EFCAB7: variants seen among roughly 807,000 people sequenced by gnomAD.
EFCAB7 encodes EF-hand calcium binding domain 7, also known as EF-hand calcium-binding domain-containing protein 7.
In EFCAB7, 66 loss-of-function variants were observed where a neutral mutation model predicts 77.1. The observed-to-expected ratio is 0.86, with a 90% confidence interval of 0.70 to 1.05. EFCAB7 has a LOEUF of 1.05. Ranked by LOEUF, EFCAB7 falls within the 50% of genes least tolerant of loss-of-function variation. The pLI, the probability that EFCAB7 is intolerant of heterozygous loss-of-function variation, is 0.00. For missense variants in EFCAB7, 638 were observed against 730.5 expected (o/e 0.87, Z 1.46); for synonymous variants, 225 against 243.3 (o/e 0.92, Z 0.70).
At chr1:63,551,679 G>A in intron 7 of EFCAB7, 46 bp from the exon 8 acceptor site, 2 of 881,846 alleles carry the variant, frequency 2.3e-6, no homozygotes, top group African/African-American at 3.5e-5. Flanking sequence ...AGAATAGATA[G>A]TGATTGCTTA....
chr1:63,564,087 T>C (rs138015368), intron 11 of EFCAB7, among the ~76,000 whole-genome samples: 1,785 of 152,264 alleles, frequency 0.012, 38 homozygotes, highest in African/African-American at 0.04. Flanking sequence ...ATTTCCCTTT[T>C]GTATATGTTA....
At chr1:63,534,343 ATTTC>A in intron 6 of EFCAB7, 127 bp downstream of exon 6, 1 of 727,344 alleles carries the variant, frequency 1.4e-6, no homozygotes, top group Admixed American at 3.1e-5. Flanking sequence ...TTTCTGTGTA[ATTTC>A]TACCTGTAAG....
At chr1:63,562,194 A>T (rs996562735) in intron 11 of EFCAB7, among the ~76,000 whole-genome samples, 5 of 151,904 alleles carry the variant, frequency 3.3e-5, no homozygotes, top group African/African-American at 1.2e-4. Flanking sequence ...TTGTCTTAAC[A>T]GTTTAAAGGC....
At chr1:63,562,449 T>TTATATATATATATATATATA (rs869302346) in intron 11 of EFCAB7, among the ~76,000 whole-genome samples, 2 of 22,468 alleles carry the variant, frequency 8.9e-5, no homozygotes, top group Non-Finnish European at 1.5e-4. Flanking sequence ...CTTAATTTAT[T>TTATATATATATATATATATA]TATATATATA....
intron 2 of EFCAB7, chr1:63,529,149 C>T (rs1440880810): frequency 6.6e-6 from 1 of 152,148 alleles, no homozygotes; most frequent in Non-Finnish European, 1.5e-5. Context: ...GCTAGGGCAG[C>T]ATGGTAATCA....
At chr1:63,575,733 G>A (rs182891486), downstream of EFCAB7, among the ~76,000 whole-genome samples, 2 of 151,698 alleles carry the variant, frequency 1.3e-5, no homozygotes, top group African/African-American at 2.4e-5. Context: ...ACAGGCATAC[G>A]CTACCACACC....
Position 63,525,664 on chromosome 1 carries a change from A to C in EFCAB7, c.92A>C (p.Glu31Ala), listed in dbSNP as rs765105952. The C allele has an allele frequency of 6.2e-7, 1 of 1,601,618 alleles. No homozygotes were observed. The highest frequency in any genetic ancestry group is 8.5e-7 in the Non-Finnish European group (1 of 1,177,212). ...SPRTKKFPLT[E>A]EEIFYMNCRA... ...CGAACAAAGAAATTTCCACTAACTG[A>C]AGAGGAAATATTTTATATGAATTGT... The change falls in exon 2 of 14, where the codon GAA becomes GCA. Residue 31 changes from glutamate to alanine, a missense_variant. Physicochemically the swap from Glu to Ala is moderately radical, Grantham distance 107. Transcript: ENST00000371088.
chr1:63,556,448 G>A (rs1250642695), intron 9 of EFCAB7, among the ~76,000 whole-genome samples: 1 of 152,010 alleles, frequency 6.6e-6, no homozygotes, highest in Admixed American at 6.6e-5. Flanking sequence ...TCATTTACTT[G>A]TGGGTTCTAC....
chr1:63,534,687 C>T (rs1452258196), intron 6 of EFCAB7, among the ~76,000 whole-genome samples: 2 of 151,948 alleles, frequency 1.3e-5, no homozygotes, highest in Admixed American at 6.6e-5. Context: ...ATAATAGTTA[C>T]AGAAATATAA....
At chr1:63,566,768 A>G (rs1647177924) in intron 11 of EFCAB7, among the ~76,000 whole-genome samples, 1 of 151,510 alleles carries the variant, frequency 6.6e-6, no homozygotes, top group Admixed American at 6.6e-5. Flanking sequence ...TCTACTTTTT[A>G]GTCCAATGAT....
intron 6 of EFCAB7, among the ~76,000 whole-genome samples, chr1:63,538,233 ACT>A (rs1646785908): frequency 6.6e-6 from 1 of 152,030 alleles, no homozygotes; most frequent in South Asian, 2.1e-4. Flanking sequence ...GGAATTTCTT[ACT>A]CTTATTCTAA....
At chr1:63,555,187 A>G (rs1647016244) in intron 8 of EFCAB7, 171 bp from the exon 9 acceptor site, 1 of 662,976 alleles carries the variant, frequency 1.5e-6, no homozygotes, top group Non-Finnish European at 2.3e-6. Context: ...ACCATTAACA[A>G]AAAGAATTTG....
At chr1:63,583,678 A>G in the EFCAB7 span, among the ~76,000 whole-genome samples, 5 of 152,310 alleles carry the variant, frequency 3.3e-5, no homozygotes, top group Non-Finnish European at 7.4e-5. Flanking sequence ...GAGAGAAACC[A>G]TGATATGAAG....
chr1:63,523,613 CTTGT>C lies in EFCAB7; in HGVS notation c.-18_-15del, dbSNP rs1450107551. The stretch of plus-strand genomic sequence containing the variant: ...CGCCGAAGAGAATTGGCTGCGCTTC[CTTGT>C]TTGTGAGCTAGAATTAGGTAGCAAA... On this transcript the variant is annotated 5_prime_UTR_variant, in exon 1 of 14. Transcript: ENST00000371088. The C allele has an allele frequency of 5.3e-6, 1 of 187,178 alleles. No individual in the cohort carries two copies. The highest frequency in any genetic ancestry group is 2.4e-5 in the African/African-American group (1 of 42,330). The allele number at this position is 187,178 out of a possible 1,614,324, so 11.6% of individuals were successfully genotyped here. A position where few individuals can be genotyped will look rare whatever the true frequency, so the allele number is the denominator to read the frequency against.
In EFCAB7 at chr1:63,561,847, A is replaced by G; in HGVS notation, c.1487A>G (p.Glu496Gly). The G allele has an allele frequency of 6.4e-7, 1 of 1,573,490 alleles. No individual in the cohort carries two copies. Residue 496 changes from glutamate to glycine, a missense_variant, in exon 11 of 14, where the codon GAG becomes GGG. By Grantham distance (98) the Glu-to-Gly change is moderately conservative. Coordinates refer to ENST00000371088, the MANE Select transcript of EFCAB7 (RefSeq NM_032437.4). ...LHSMGYNKAL[E>G]LTEACPFVID... ...TCTATGGGCTACAATAAAGCTCTGGAGTTGACAGAGGTAAAGTATTCTTAA... is the reference window on the plus strand; with the variant it reads ...TCTATGGGCTACAATAAAGCTCTGGGGTTGACAGAGGTAAAGTATTCTTAA...
intron 11 of EFCAB7, among the ~76,000 whole-genome samples, chr1:63,563,961 C>T (rs1036680153): frequency 6.6e-6 from 1 of 151,998 alleles, no homozygotes; most frequent in East Asian, 1.9e-4. Context: ...GTTTTGCCCC[C>T]CTTTTTTTTC....
intron 6 of EFCAB7, among the ~76,000 whole-genome samples, chr1:63,542,802 CTG>C (rs1385439188): frequency 6.6e-6 from 1 of 152,066 alleles, no homozygotes; most frequent in African/African-American, 2.4e-5. Flanking sequence ...TTTAAAAAAT[CTG>C]GTGGTTTGTT....
chr1:63,578,485 A>G, the EFCAB7 span, among the ~76,000 whole-genome samples: 1 of 147,110 alleles, frequency 6.8e-6, no homozygotes, highest in East Asian at 2.0e-4. Context: ...TCTGTCATCC[A>G]GGCTGGAGTG....
intron 12 of EFCAB7, chr1:63,569,846 T>G (rs1647215380): frequency 6.6e-6 from 1 of 152,204 alleles, no homozygotes; most frequent in Non-Finnish European, 1.5e-5. Flanking sequence ...ATTCCTAAGA[T>G]GCATCATGGT....
Sources: allele counts gnomAD v4.1 joint callset (sites outside exome capture counted in the v4.1 genomes callset), GRCh38; gene constraint gnomAD v4.1.1; transcripts MANE v1.5; gene names NCBI Gene and HGNC (gene_info 2026-07-23, HGNC 2026-07-21).